The following GNA14 variants were observed in gnomAD, a reference collection of about 807,000 sequenced individuals.
GNA14 encodes the protein guanine nucleotide-binding protein subunit alpha-14.
GNA14 carries 50 observed loss-of-function variants against 42.0 expected under a neutral mutation model. The observed-to-expected ratio is 1.19, with a 90% CI of 0.95 to 1.51. GNA14 has a LOEUF of 1.51. GNA14 is among the 40% of genes most tolerant of loss of function. GNA14 has a pLI of 0.00. For synonymous variants in GNA14, 173 were observed against 163.1 expected, an observed-to-expected ratio of 1.06 and a Z score of -0.46; for missense variants, 473 against 446.2, an observed-to-expected ratio of 1.06 and a Z score of -0.54.
Position 77,471,777 on chromosome 9 carries a change from T to C in GNA14, c.310-37255A>G, listed in dbSNP as rs992348227. Among the ~76,000 whole-genome samples, 4 of 152,186 alleles carry C rather than the reference T, an allele frequency of 2.6e-5. No individual in the cohort carries two copies. The East Asian group carries it at 5.8e-4, about 22-fold the overall frequency. On this transcript the variant is annotated intron_variant, in intron 2 of 6. Transcript: ENST00000341700. ...CAGGATGAACTATCCACACAGTCTA[T>C]GCATAATACCACACCTGGTGTTTAA...
At chr9:77,559,070 A>C (rs555478293) in intron 1 of GNA14, among the ~76,000 whole-genome samples, 7 of 152,216 alleles carry the variant, frequency 4.6e-5, no homozygotes, top group African/African-American at 1.7e-4. Flanking sequence ...TTTGAGGATG[A>C]TTTAAAGCCT....
At chr9:77,476,349 G>T (rs147743942) in intron 2 of GNA14, among the ~76,000 whole-genome samples, 127 of 152,220 alleles carry the variant, frequency 8.3e-4, no homozygotes, top group African/African-American at 2.8e-3. Context: ...AGGGGGAGGC[G>T]CCCTGAGAGC....
chr9:77,641,558 A>C (rs996229893), intron 1 of GNA14, among the ~76,000 whole-genome samples: 2 of 151,270 alleles, frequency 1.3e-5, no homozygotes, highest in East Asian at 3.9e-4. Context: ...TAAATCCCAA[A>C]TGAGAAACCG....
intron 1 of GNA14, among the ~76,000 whole-genome samples, chr9:77,637,525 A>G (rs1824201681): frequency 6.6e-6 from 1 of 152,240 alleles, no homozygotes; most frequent in Non-Finnish European, 1.5e-5. Context: ...ATTTTCTTAA[A>G]TTAAAAAGTA....
At chr9:77,495,208 C>G (rs1011837321) in intron 2 of GNA14, among the ~76,000 whole-genome samples, 1 of 152,036 alleles carries the variant, frequency 6.6e-6, no homozygotes, top group Admixed American at 6.6e-5. Context: ...AGATGCCAGG[C>G]TGCTACACAG....
intron 1 of GNA14, among the ~76,000 whole-genome samples, chr9:77,616,329 G>A (rs935998690): frequency 6.6e-6 from 1 of 152,160 alleles, no homozygotes; most frequent in East Asian, 1.9e-4. Flanking sequence ...CAAAAGATTT[G>A]GCAATGCTAA....
intron 1 of GNA14, among the ~76,000 whole-genome samples, chr9:77,639,307 T>C (rs1564072947): frequency 6.6e-6 from 1 of 152,250 alleles, no homozygotes; most frequent in Non-Finnish European, 1.5e-5. Context: ...CCAGGCACTA[T>C]TCTAAACGCT....
chr9:77,635,017 T>C (rs995237395), intron 1 of GNA14, among the ~76,000 whole-genome samples: 1 of 152,196 alleles, frequency 6.6e-6, no homozygotes, highest in African/African-American at 2.4e-5. Context: ...GTCACTATTA[T>C]TATTTCATTT....
Position 77,519,464 on chromosome 9 carries a change from T to G in GNA14, c.309+9605A>C, listed in dbSNP as rs148109567. ...CCAAAGCCAAAAACCTTTTAACAATTTGTTTATATCGGATTAGTTAATGTA... is the reference window on the plus strand; with the variant it reads ...CCAAAGCCAAAAACCTTTTAACAATGTGTTTATATCGGATTAGTTAATGTA... On this transcript the variant is annotated intron_variant, in intron 2 of 6. Transcript: ENST00000341700. 7.9e-5 allele frequency among the ~76,000 whole-genome samples: 12 copies of G among 152,284 alleles called. No homozygotes were observed. In the East Asian group the frequency reaches 2.3e-3, roughly 29 times the overall value.
intron 2 of GNA14, among the ~76,000 whole-genome samples, chr9:77,515,107 G>A (rs1301087907): frequency 6.6e-6 from 1 of 151,648 alleles, no homozygotes; most frequent in African/African-American, 2.4e-5. Context: ...GCCAGAATGT[G>A]GCCTTAAGGT....
intron 1 of GNA14, among the ~76,000 whole-genome samples, chr9:77,614,656 A>T (rs1823781719): frequency 6.6e-6 from 1 of 152,028 alleles, no homozygotes; most frequent in East Asian, 1.9e-4. Flanking sequence ...TGCTCCCCGA[A>T]ACTCTCCTAG....
chr9:77,634,492 G>GAAGGAAGA (rs1554705280), intron 1 of GNA14, among the ~76,000 whole-genome samples: 2 of 148,654 alleles, frequency 1.3e-5, no homozygotes, highest in African/African-American at 4.9e-5. Flanking sequence ...AGGAAGGAAG[G>GAAGGAAGA]AAGGGAGTGA....
chr9:77,571,809 ATTATTT>A, intron 1 of GNA14, among the ~76,000 whole-genome samples: 1 of 151,660 alleles, frequency 6.6e-6, no homozygotes, highest in South Asian at 2.1e-4. Flanking sequence ...TTAAGGACTT[ATTATTT>A]TTAAGAGTGT....
At chr9:77,469,367 A>T (rs1371555789) in intron 2 of GNA14, among the ~76,000 whole-genome samples, 5 of 27,814 alleles carry the variant, frequency 1.8e-4, no homozygotes, top group African/African-American at 1.5e-3. Flanking sequence ...AACTGTGTTA[A>T]AAAAAAAAAA....
At chr9:77,538,066 C>CT (rs35946811) in intron 1 of GNA14, among the ~76,000 whole-genome samples, 78,696 of 138,346 alleles carry the variant, frequency 0.57, 22,574 homozygotes, top group Admixed American at 0.67. Context: ...ACAGAAGCTT[C>CT]TTTTTTTTTT....
intron 1 of GNA14, among the ~76,000 whole-genome samples, chr9:77,553,531 A>G (rs2131783694): frequency 6.6e-6 from 1 of 152,350 alleles, no homozygotes; most frequent in South Asian, 2.1e-4. Flanking sequence ...TCACAAGAAG[A>G]GAATACAAGT....
At chr9:77,565,661 T>C (rs1217351291) in intron 1 of GNA14, among the ~76,000 whole-genome samples, 1 of 152,228 alleles carries the variant, frequency 6.6e-6, no homozygotes. Flanking sequence ...TTTCACTATG[T>C]TGGCCAGGCT....
At chr9:77,426,584 A>G (rs917536993) in intron 5 of GNA14, among the ~76,000 whole-genome samples, 10 of 152,312 alleles carry the variant, frequency 6.6e-5, no homozygotes, top group South Asian at 6.2e-4. Context: ...GATTACAGGC[A>G]TGAGCCACCG....
In GNA14 at chr9:77,566,962, C is replaced by T. The variant is rs549797072; in HGVS notation, c.125-37709G>A. Reference sequence around the variant, plus strand: ...TTTGTATTTGCCATATACCCAGGGCCCCAAAGCTCTATTTTCCCAAAAATA... The same window carrying T: ...TTTGTATTTGCCATATACCCAGGGCTCCAAAGCTCTATTTTCCCAAAAATA... On this transcript the variant is annotated intron_variant, in intron 1 of 6. Coordinates refer to ENST00000341700, the MANE Select transcript of GNA14 (RefSeq NM_004297.4). Among the ~76,000 whole-genome samples the T allele has an allele frequency of 1.1e-3, 172 of 152,038 alleles. 1 individual carries two copies. Among genetic ancestry groups the T allele is most frequent in the Non-Finnish European group, 2.0e-3 (135 of 68,028 alleles).
Sources: allele counts gnomAD v4.1 joint callset (sites outside exome capture counted in the v4.1 genomes callset), GRCh38; gene constraint gnomAD v4.1.1; transcripts MANE v1.5; gene names NCBI Gene and HGNC (gene_info 2026-07-23, HGNC 2026-07-21).